Variants in FUT8 observed in about 807,000 individuals in gnomAD.
FUT8 encodes the protein alpha-(1,6)-fucosyltransferase.
In FUT8, 29 loss-of-function variants were observed where a neutral mutation model predicts 71.3. The ratio of observed to expected loss-of-function variants is 0.41; its 90% CI spans 0.30 to 0.55. FUT8 has a LOEUF of 0.55. Among genes scored for constraint, FUT8 ranks in the 20% least tolerant of loss-of-function variants. The pLI is 0.34. For missense variants in FUT8, 544 were observed against 702.1 expected, an observed-to-expected ratio of 0.77 and a Z score of 2.55; for synonymous variants, 254 against 239.3, an observed-to-expected ratio of 1.06 and a Z score of -0.57.
intron 2 of FUT8, among the ~76,000 whole-genome samples, chr14:65,528,351 G>A (rs1343884131): frequency 6.6e-6 from 1 of 152,234 alleles, no homozygotes; most frequent in Admixed American, 6.5e-5. Context: ...TCCGAGCCAG[G>A]CGCGGGATAT....
intron 3 of FUT8, among the ~76,000 whole-genome samples, chr14:65,580,070 T>TTATATATATATATATATATATATA (rs59069113): frequency 3.0e-4 from 43 of 142,830 alleles, no homozygotes; most frequent in African/African-American, 1.1e-3. Flanking sequence ...GTGCTATATT[T>TTATATATATATATATATATATATA]TATATATATA....
At chr14:65,622,780 A>G (rs1419076431) in intron 5 of FUT8, among the ~76,000 whole-genome samples, 3 of 152,190 alleles carry the variant, frequency 2.0e-5, no homozygotes, top group African/African-American at 4.8e-5. Context: ...TTTCTTGCCC[A>G]TGATGCAGAT....
intron 6 of FUT8, among the ~76,000 whole-genome samples, chr14:65,636,923 C>T (rs371276044): frequency 4.6e-5 from 7 of 152,260 alleles, no homozygotes; most frequent in Non-Finnish European, 1.0e-4. Context: ...TTATAATACT[C>T]GGATTGAAGA....
At chr14:65,716,371 C>A (rs535998520) in intron 7 of FUT8, among the ~76,000 whole-genome samples, 36 of 146,554 alleles carry the variant, frequency 2.5e-4, no homozygotes, top group Non-Finnish European at 1.9e-4. Flanking sequence ...TATATAGTGA[C>A]CTTCTTTGTC....
At chr14:65,573,742 A>G (rs999156794) in intron 3 of FUT8, among the ~76,000 whole-genome samples, 5 of 152,050 alleles carry the variant, frequency 3.3e-5, no homozygotes, top group African/African-American at 1.2e-4. Flanking sequence ...GTCTAAAAAA[A>G]AAAAAAAAAT....
At chr14:65,406,912 T>C (rs1363937523), upstream of FUT8, among the ~76,000 whole-genome samples, 1 of 151,854 alleles carries the variant, frequency 6.6e-6, no homozygotes, top group Non-Finnish European at 1.5e-5. Context: ...TGCTGGGAGG[T>C]ATGATTTGAT....
At chr14:65,707,041 G>A (rs1327411700) in intron 7 of FUT8, among the ~76,000 whole-genome samples, 1 of 152,070 alleles carries the variant, frequency 6.6e-6, no homozygotes, top group African/African-American at 2.4e-5. Flanking sequence ...GAATGGCAGG[G>A]CTCTCTTGAT....
chr14:65,499,772 T>C (rs886989906), intron 2 of FUT8, among the ~76,000 whole-genome samples: 1 of 151,080 alleles, frequency 6.6e-6, no homozygotes, highest in African/African-American at 2.4e-5. Context: ...GATCTGTGAT[T>C]GTACCATTGC....
intron 6 of FUT8, chr14:65,645,874 A>G (rs900758433): frequency 1.3e-5 from 2 of 152,220 alleles, no homozygotes; most frequent in Non-Finnish European, 2.9e-5. Flanking sequence ...TGACAAAAAT[A>G]TCTCTGCACA....
At chr14:65,680,298 T>G (rs1892975702) in intron 7 of FUT8, among the ~76,000 whole-genome samples, 2 of 152,364 alleles carry the variant, frequency 1.3e-5, no homozygotes, top group South Asian at 4.1e-4. Flanking sequence ...AGATATTCTC[T>G]TATGTTTTCT....
chr14:65,742,028 G>T, intron 10 of FUT8, 65 bp from the exon 11 acceptor site: 3 of 1,390,616 alleles, frequency 2.2e-6, no homozygotes, highest in Non-Finnish European at 3.0e-6. Flanking sequence ...TTGGCCAAGG[G>T]CTTTTAGATT....
At chr14:65,497,144 A>T (rs1566785139) in intron 2 of FUT8, among the ~76,000 whole-genome samples, 1 of 152,176 alleles carries the variant, frequency 6.6e-6, no homozygotes, top group Non-Finnish European at 1.5e-5. Flanking sequence ...GTAAAAGTTC[A>T]TTTCCAACGG....
chr14:65,725,611 A>G (rs1895642267), intron 9 of FUT8, among the ~76,000 whole-genome samples: 2 of 152,146 alleles, frequency 1.3e-5, no homozygotes, highest in African/African-American at 4.8e-5. Context: ...CACTCTGTAC[A>G]GTTCTCTGTT....
intron 1 of FUT8, among the ~76,000 whole-genome samples, chr14:65,450,408 CTTATACT>C (rs2065804094): frequency 6.6e-6 from 1 of 152,128 alleles, no homozygotes; most frequent in African/African-American, 2.4e-5. Context: ...CTCCTGAAAA[CTTATACT>C]TATCGTTTTA....
intron 7 of FUT8, among the ~76,000 whole-genome samples, chr14:65,699,181 C>CACACAT (rs1566903878): frequency 2.7e-5 from 4 of 150,396 alleles, no homozygotes; most frequent in African/African-American, 9.9e-5. Context: ...CACACACACA[C>CACACAT]ACACACACAC....
chr14:65,422,932 A>G (rs373598358), intron 1 of FUT8, among the ~76,000 whole-genome samples: 6 of 150,824 alleles, frequency 4.0e-5, no homozygotes. Flanking sequence ...TGCTGGGATT[A>G]CAGGGATGAG....
chr14:65,406,846 G>A (rs1228056890), upstream of FUT8, among the ~76,000 whole-genome samples: 2 of 152,184 alleles, frequency 1.3e-5, no homozygotes, highest in Non-Finnish European at 2.9e-5. Flanking sequence ...CCTGGGCCAG[G>A]TTTTATAAGC....
chr14:65,442,197 G>A (rs1259549328), intron 1 of FUT8, among the ~76,000 whole-genome samples: 1 of 147,674 alleles, frequency 6.8e-6, no homozygotes, highest in Non-Finnish European at 1.5e-5. Flanking sequence ...TTTTTTTTGA[G>A]GCTGAGTCTT....
chr14:65,628,963 A>G (rs568228601), intron 5 of FUT8, among the ~76,000 whole-genome samples: 87 of 152,214 alleles, frequency 5.7e-4, no homozygotes, highest in Non-Finnish European at 1.0e-3. Flanking sequence ...TGTAGAGACT[A>G]AAATATTTAC....
Sources: allele counts gnomAD v4.1 joint callset (sites outside exome capture counted in the v4.1 genomes callset), GRCh38; gene constraint gnomAD v4.1.1; transcripts MANE v1.5; gene names NCBI Gene and HGNC (gene_info 2026-07-23, HGNC 2026-07-21).